Variants in SEPTIN14 observed in about 807,000 individuals in gnomAD.
SEPTIN14 encodes septin-14.
In SEPTIN14, 40 loss-of-function variants were observed where a neutral mutation model predicts 53.6. The ratio of observed to expected loss-of-function variants is 0.75; its 90% CI spans 0.58 to 0.97. SEPTIN14 has a LOEUF of 0.97. Among genes scored for constraint, SEPTIN14 ranks in the 50% least tolerant of loss-of-function variants. SEPTIN14 has a pLI of 0.00. For missense variants in SEPTIN14, 471 were observed against 508.2 expected, an observed-to-expected ratio of 0.93 and a Z score of 0.70; for synonymous variants, 138 against 166.8, an observed-to-expected ratio of 0.83 and a Z score of 1.33.
intron 6 of SEPTIN14, among the ~76,000 whole-genome samples, chr7:55,829,944 C>A (rs1352520334): frequency 3.3e-5 from 5 of 151,360 alleles, no homozygotes; most frequent in Non-Finnish European, 7.4e-5. Flanking sequence ...TTTGGGAGGC[C>A]GAGGCGGGCG....
At chr7:55,828,465 C>T (rs949098898) in intron 6 of SEPTIN14, among the ~76,000 whole-genome samples, 5 of 151,986 alleles carry the variant, frequency 3.3e-5, no homozygotes, top group African/African-American at 4.8e-5. Flanking sequence ...CTACCACGCC[C>T]GGCTAATTTT....
chr7:55,841,030 G>A (rs1203188328), intron 5 of SEPTIN14, among the ~76,000 whole-genome samples: 2 of 152,122 alleles, frequency 1.3e-5, no homozygotes, highest in African/African-American at 4.8e-5. Context: ...CTCATGAGCA[G>A]CTGGGATTAC....
chr7:55,814,253 C>A (rs1788755546), intron 7 of SEPTIN14, among the ~76,000 whole-genome samples: 1 of 152,088 alleles, frequency 6.6e-6, no homozygotes, highest in Non-Finnish European at 1.5e-5. Flanking sequence ...GCCCAGACTG[C>A]AAAGATTACA....
chr7:55,846,555 G>C lies in SEPTIN14; in HGVS notation c.137C>G (p.Ser46Cys). The C allele has an allele frequency of 6.3e-7, 1 of 1,597,834 alleles. No individual in the cohort carries two copies. Among genetic ancestry groups the C allele is most frequent in the Non-Finnish European group, 8.6e-7 (1 of 1,168,234 alleles). ...ATTAAAAGTGAATCCTTGTCGGATA[G>C]ATCTGCTCACCAACTGATTGGGCAA... ...ECLPNQLVSR[S>C]IRQGFTFNIL... The change falls in exon 3 of 10, where the codon TCT (serine) becomes TGT (cysteine). Residue 46 changes from serine (S) to cysteine (C), a missense_variant. By Grantham distance (112) the Ser-to-Cys change is moderately radical. Coordinates refer to ENST00000388975, the MANE Select transcript of SEPTIN14 (RefSeq NM_207366.3).
At position 55,796,018 on chromosome 7, in the gene SEPTIN14, T is replaced by C. The variant is rs557399664; in HGVS notation, c.1194A>G (p.Gln398=). 1 of 1,546,804 alleles carries C rather than the reference T, an allele frequency of 6.5e-7. No individual in the cohort carries two copies. Among genetic ancestry groups the C allele is most frequent in the Admixed American group, 1.7e-5 (1 of 59,850 alleles). The part of the protein sequence containing the change: ...EIRKLEEEKK[Q]LEGEIIDFYK... ...AAAAATCTATGATTTCTCCTTCCAG[T>C]TGTTTTTTCTCTTCCTCGAGCTTCC... is the stretch of plus-strand genomic sequence containing the variant. The change falls in exon 10 of 10, where the codon CAA becomes CAG. Residue 398 remains glutamine (Q), a synonymous_variant. Transcript: ENST00000388975.
chr7:55,821,534 C>T (rs1354774633), intron 6 of SEPTIN14, among the ~76,000 whole-genome samples: 1 of 152,166 alleles, frequency 6.6e-6, no homozygotes, highest in East Asian at 1.9e-4. Flanking sequence ...TTAGAGGTCT[C>T]ACACTTCTAG....
At chr7:55,847,326 C>T (rs1382801159) in intron 2 of SEPTIN14, among the ~76,000 whole-genome samples, 1 of 151,992 alleles carries the variant, frequency 6.6e-6, no homozygotes, top group Non-Finnish European at 1.5e-5. Flanking sequence ...ACTTTAACAT[C>T]CTTTCATTCT....
At chr7:55,849,427 A>G (rs1789481172) in intron 2 of SEPTIN14, among the ~76,000 whole-genome samples, 1 of 152,052 alleles carries the variant, frequency 6.6e-6, no homozygotes, top group Non-Finnish European at 1.5e-5. Flanking sequence ...GATAAGATTG[A>G]TAAACACCTA....
At chr7:55,840,950 A>G (rs1789300355) in intron 5 of SEPTIN14, among the ~76,000 whole-genome samples, 1 of 152,008 alleles carries the variant, frequency 6.6e-6, no homozygotes. Context: ...CCCAGGCTGG[A>G]GTGCAGTGGC....
At chr7:55,829,670 C>A (rs1055054307) in intron 6 of SEPTIN14, among the ~76,000 whole-genome samples, 1 of 151,696 alleles carries the variant, frequency 6.6e-6, no homozygotes, top group Admixed American at 6.6e-5. Context: ...CCACCCAGAG[C>A]AGCTTGGAGG....
chr7:55,801,977 T>C (rs961232622), intron 9 of SEPTIN14, among the ~76,000 whole-genome samples: 1 of 150,544 alleles, frequency 6.6e-6, no homozygotes, highest in Non-Finnish European at 1.5e-5. Context: ...TTCCAAAGAA[T>C]GGAAGAGGAG....
At chr7:55,855,123 C>T (rs551557246) in intron 2 of SEPTIN14, among the ~76,000 whole-genome samples, 2 of 151,938 alleles carry the variant, frequency 1.3e-5, no homozygotes, top group Admixed American at 1.3e-4. Context: ...ATTCTCCTCT[C>T]TCAGCCTCCC....
chr7:55,815,426 G>GA (rs1339749653), intron 7 of SEPTIN14, among the ~76,000 whole-genome samples: 1 of 151,954 alleles, frequency 6.6e-6, no homozygotes, highest in Non-Finnish European at 1.5e-5. Flanking sequence ...AACTCAATAG[G>GA]AAAAAAATCT....
rs57111413 is a variant in SEPTIN14, at chr7:55,800,623, C to CAA, written c.1120-4533_1120-4532dup. On this transcript the variant is annotated intron_variant, in intron 9 of 9. Transcript: ENST00000388975. Reference sequence around the variant, plus strand: ...TGGGTGACAGAGCGAGACTTTGTCTCAAAAAAAAAAAAAATTAAACTCATG... The same window carrying CAA: ...TGGGTGACAGAGCGAGACTTTGTCTCAAAAAAAAAAAAAAAATTAAACTCATG... Among the ~76,000 whole-genome samples, 332 of 111,444 alleles carry CAA rather than the reference C, an allele frequency of 3.0e-3. 1 individual carries two copies. The highest frequency in any genetic ancestry group is 9.4e-3 in the African/African-American group (295 of 31,390). 73.1% of individuals were successfully genotyped at this position (111,444 alleles called of 152,430 possible).
At chr7:55,819,553 C>A (rs1788858136) in intron 6 of SEPTIN14, among the ~76,000 whole-genome samples, 1 of 152,158 alleles carries the variant, frequency 6.6e-6, no homozygotes, top group South Asian at 2.1e-4. Context: ...CATACCACTG[C>A]ACCCCAGCCT....
chr7:55,847,919 T>G (rs915197820), intron 2 of SEPTIN14, among the ~76,000 whole-genome samples: 1 of 152,116 alleles, frequency 6.6e-6, no homozygotes. Context: ...ATTTTAAAAA[T>G]GGGAATTATA....
chr7:55,856,440 G>A (rs1789627225), intron 2 of SEPTIN14, among the ~76,000 whole-genome samples: 1 of 151,486 alleles, frequency 6.6e-6, no homozygotes, highest in African/African-American at 2.4e-5. Context: ...CACCCAGGCT[G>A]GAGTGCAGTG....
rs181185993 is a variant in SEPTIN14, at chr7:55,824,244, T to C, written c.721-5021A>G. Among the ~76,000 whole-genome samples, 7 of 152,140 alleles carry C rather than the reference T, an allele frequency of 4.6e-5. No homozygotes were observed. The East Asian group carries it at 1.4e-3, about 29-fold the overall frequency. ...AAATCTTTGCAAAACACACACTTGA[T>C]AAAGGACTGATGTCCAAAATATACA... is the stretch of plus-strand genomic sequence containing the variant. On this transcript the variant is annotated intron_variant, in intron 6 of 9. Coordinates refer to ENST00000388975, the MANE Select transcript of SEPTIN14 (RefSeq NM_207366.3).
chr7:55,795,833 A>G lies in SEPTIN14; in HGVS notation c.*80T>C. 2 of 1,062,886 alleles carry G rather than the reference A, an allele frequency of 1.9e-6. No homozygotes were observed. The highest frequency in any genetic ancestry group is 2.8e-6 in the Non-Finnish European group (2 of 710,898). 65.8% of individuals were successfully genotyped at this position (1,062,886 alleles called of 1,614,324 possible). A position where few individuals can be genotyped will look rare whatever the true frequency, so the allele number is the denominator to read the frequency against. ...AGCCAATTTTTAAAATGAGAACTTC[A>G]GAGTTAAATGCTACAAAGACAATCT... On this transcript the variant is annotated 3_prime_UTR_variant, in exon 10 of 10. Coordinates refer to ENST00000388975, the MANE Select transcript of SEPTIN14 (RefSeq NM_207366.3).
Sources: gnomAD v4.1 joint callset for allele counts (sites outside exome capture counted in the v4.1 genomes callset) on GRCh38, gnomAD v4.1.1 for gene constraint, MANE v1.5 for transcripts, NCBI Gene and HGNC (gene_info 2026-07-23, HGNC 2026-07-21) for gene names.